The following ETNK1 variants were observed in gnomAD, a reference collection of about 807,000 sequenced individuals.
The protein encoded by ETNK1 is putative protein product of Nbla10396.
Under a neutral mutation model 45.1 loss-of-function variants are expected in ETNK1, and 8 were observed. That is an observed-to-expected ratio of 0.18 (90% CI 0.10 to 0.32). The LOEUF is 0.32. Among genes scored for constraint, ETNK1 ranks in the 10% least tolerant of loss-of-function variants. The pLI is 1.00. For synonymous variants in ETNK1, 152 were observed against 151.9 expected, an observed-to-expected ratio of 1.00 and a Z score of -0.01; for missense variants, 302 against 430.6, an observed-to-expected ratio of 0.70 and a Z score of 2.64.
chr12:22,644,751 G>A (rs1953785181), intron 2 of ETNK1, among the ~76,000 whole-genome samples: 2 of 151,970 alleles, frequency 1.3e-5, no homozygotes, highest in South Asian at 4.1e-4. Flanking sequence ...AGCTATCATT[G>A]TGATGAAATT....
At chr12:22,656,379 G>A in intron 2 of ETNK1, 1 of 984,628 alleles carries the variant, frequency 1.0e-6, no homozygotes, top group Non-Finnish European at 1.2e-6. Flanking sequence ...TCCGTGTGAT[G>A]TGCAGGGCCT....
intron 1 of ETNK1, among the ~76,000 whole-genome samples, chr12:22,627,807 CT>C (rs1467935504): frequency 6.6e-6 from 1 of 151,732 alleles, no homozygotes; most frequent in Non-Finnish European, 1.5e-5. Context: ...TTTAAATGTA[CT>C]TTAGAAACTT....
chr12:22,676,256 G>A (rs973974743), intron 6 of ETNK1, among the ~76,000 whole-genome samples: 4 of 152,066 alleles, frequency 2.6e-5, no homozygotes, highest in African/African-American at 9.7e-5. Context: ...GAGAAAATGT[G>A]GTGTTTGGTT....
At chr12:22,668,959 A>T in intron 4 of ETNK1, among the ~76,000 whole-genome samples, 1 of 152,230 alleles carries the variant, frequency 6.6e-6, no homozygotes, top group East Asian at 1.9e-4. Flanking sequence ...AATTCTAAAT[A>T]TAATTTTGAA....
chr12:22,647,261 C>T (rs1017799420), intron 2 of ETNK1, among the ~76,000 whole-genome samples: 1 of 151,722 alleles, frequency 6.6e-6, no homozygotes, highest in Non-Finnish European at 1.5e-5. Flanking sequence ...AATGACAAAC[C>T]ATCCAGTAAC....
intron 2 of ETNK1, among the ~76,000 whole-genome samples, chr12:22,649,232 T>A (rs933501788): frequency 6.6e-6 from 1 of 152,114 alleles, no homozygotes; most frequent in Non-Finnish European, 1.5e-5. Flanking sequence ...AAGTCCAGCT[T>A]ATCTGTTCTT....
At chr12:22,651,371 T>C (rs891332892) in intron 2 of ETNK1, among the ~76,000 whole-genome samples, 1 of 152,314 alleles carries the variant, frequency 6.6e-6, no homozygotes, top group African/African-American at 2.4e-5. Context: ...CAGGTAGCCC[T>C]TTTCTACTGG....
chr12:22,627,849 ATT>A (rs1369339467), intron 1 of ETNK1, among the ~76,000 whole-genome samples: 4 of 152,054 alleles, frequency 2.6e-5, no homozygotes, highest in Non-Finnish European at 4.4e-5. Context: ...GTGATTGATT[ATT>A]CCTGCAAGCT....
chr12:22,670,498 T>A (rs894480724), intron 4 of ETNK1, among the ~76,000 whole-genome samples: 1 of 152,174 alleles, frequency 6.6e-6, no homozygotes, highest in African/African-American at 2.4e-5. Context: ...TGAGTAGTAG[T>A]ATGAAAGAAC....
At chr12:22,655,112 G>T (rs1382462682) in intron 2 of ETNK1, among the ~76,000 whole-genome samples, 1 of 151,976 alleles carries the variant, frequency 6.6e-6, no homozygotes, top group Non-Finnish European at 1.5e-5. Context: ...GATTACAGGT[G>T]CCTGCCACCA....
intron 4 of ETNK1, among the ~76,000 whole-genome samples, chr12:22,662,242 A>G (rs1017731252): frequency 2.7e-5 from 2 of 73,432 alleles, no homozygotes; most frequent in Admixed American, 1.5e-4. Flanking sequence ...TAATTTTTGT[A>G]TTTTTTTTTT....
chr12:22,663,068 G>A (rs73253842), intron 4 of ETNK1, among the ~76,000 whole-genome samples: 7,109 of 152,188 alleles, frequency 0.047, 543 homozygotes, highest in African/African-American at 0.16. Flanking sequence ...TGCTTGTGTG[G>A]AATCATTTTT....
intron 2 of ETNK1, chr12:22,656,617 T>C (rs1225395903): frequency 2.0e-6 from 2 of 985,244 alleles, no homozygotes; most frequent in African/African-American, 1.7e-5. Context: ...TCACACCTGT[T>C]CTGAATCCAG....
Position 22,685,020 on chromosome 12 carries a change from A to G in ETNK1, c.*66A>G, listed in dbSNP as rs929561018. 5 of 1,160,908 alleles carry G rather than the reference A, an allele frequency of 4.3e-6. No individual in the cohort carries two copies. In the African/African-American group the frequency reaches 7.8e-5, roughly 18 times the overall value. The allele number at this position is 1,160,908 out of a possible 1,614,324, so 71.9% of individuals were successfully genotyped here. A position where few individuals can be genotyped will look rare whatever the true frequency, so the allele number is the denominator to read the frequency against. Reference sequence around the variant, plus strand: ...GTGAATCTTTTCTTAAGAAATCCCAAAAAGCCAATATTAGTTAAAATTCTG... The same window carrying G: ...GTGAATCTTTTCTTAAGAAATCCCAGAAAGCCAATATTAGTTAAAATTCTG... On this transcript the variant is annotated 3_prime_UTR_variant, in exon 8 of 8. Coordinates refer to ENST00000266517, the MANE Select transcript of ETNK1 (RefSeq NM_018638.5).
intron 1 of ETNK1, among the ~76,000 whole-genome samples, chr12:22,634,713 TG>T (rs1953632098): frequency 6.6e-6 from 1 of 152,118 alleles, no homozygotes; most frequent in African/African-American, 2.4e-5. Flanking sequence ...GGCTAATTTT[TG>T]TATTTATTTA....
chr12:22,638,097 CA>C (rs1254099975), intron 1 of ETNK1, among the ~76,000 whole-genome samples: 3 of 151,830 alleles, frequency 2.0e-5, no homozygotes, highest in African/African-American at 7.3e-5. Flanking sequence ...TAATTGAATA[CA>C]AAATTCTCTT....
rs773352173 is a variant in ETNK1 at position 22,673,642 on chromosome 12, A to G, written c.927A>G (p.Gln309=). The stretch of plus-strand genomic sequence containing the variant: ...AGGAGGTAGAAATACTCTTCATTCA[A>G]GTCAATCAGTTTGCATTGGTAAGTT... ...TEKEVEILFI[Q]VNQFALASHF... is the part of the protein sequence containing the mutation. The change falls in exon 6 of 8, where the codon CAA becomes CAG. Residue 309 remains glutamine, a synonymous_variant. Transcript: ENST00000266517. 3 of 1,613,306 alleles carry G rather than the reference A, an allele frequency of 1.9e-6. No homozygotes were observed. In the African/African-American group the frequency reaches 4.0e-5, roughly 22 times the overall value.
intron 1 of ETNK1, among the ~76,000 whole-genome samples, chr12:22,629,797 T>TG (rs1189730492): frequency 6.6e-6 from 1 of 152,182 alleles, no homozygotes; most frequent in Non-Finnish European, 1.5e-5. Flanking sequence ...TAGGAAATCT[T>TG]GAGTCCTGTA....
At chr12:22,651,495 A>C (rs1012373945) in intron 2 of ETNK1, among the ~76,000 whole-genome samples, 5 of 152,104 alleles carry the variant, frequency 3.3e-5, no homozygotes, top group African/African-American at 1.2e-4. Flanking sequence ...TTCTATTAAA[A>C]GGGAGTCCTT....
Sources: gnomAD v4.1 joint callset for allele counts (sites outside exome capture counted in the v4.1 genomes callset) on GRCh38, gnomAD v4.1.1 for gene constraint, MANE v1.5 for transcripts, NCBI Gene and HGNC (gene_info 2026-07-23, HGNC 2026-07-21) for gene names.